The following CDH4 variants were observed in gnomAD, a reference collection of about 807,000 sequenced individuals.
The protein encoded by CDH4 is cadherin-4.
CDH4 carries 33 observed loss-of-function variants against 86.0 expected under a neutral mutation model. The ratio of observed to expected loss-of-function variants is 0.38; its 90% CI spans 0.29 to 0.51. The LOEUF (loss-of-function observed/expected upper bound fraction) is 0.51, where lower values mean the gene tolerates loss of function less well. Among genes scored for constraint, CDH4 ranks in the 20% least tolerant of loss-of-function variants. CDH4 has a pLI of 0.86. For synonymous variants in CDH4, 555 were observed against 549.4 expected, an observed-to-expected ratio of 1.01 and a Z score of -0.14; for missense variants, 1,114 against 1,307.4, an observed-to-expected ratio of 0.85 and a Z score of 2.28.
At chr20:61,795,419 A>G (rs1979486841) in intron 4 of CDH4, among the ~76,000 whole-genome samples, 1 of 152,012 alleles carries the variant, frequency 6.6e-6, no homozygotes, top group Non-Finnish European at 1.5e-5. Flanking sequence ...GCCTTTAAGG[A>G]GCCCCCAGGA....
chr20:61,679,141 G>T (rs891566502), intron 2 of CDH4, among the ~76,000 whole-genome samples: 12 of 152,146 alleles, frequency 7.9e-5, no homozygotes, highest in Admixed American at 5.9e-4. Flanking sequence ...AGGTTGGGTG[G>T]GTCAGTGGCT....
At chr20:61,746,161 C>T (rs898197341) in intron 3 of CDH4, among the ~76,000 whole-genome samples, 5 of 152,064 alleles carry the variant, frequency 3.3e-5, no homozygotes, top group Non-Finnish European at 5.9e-5. Context: ...CGGCGTATGT[C>T]GTTTTCGTAC....
At chr20:61,765,613 T>A (rs1390357782) in intron 3 of CDH4, among the ~76,000 whole-genome samples, 1 of 152,062 alleles carries the variant, frequency 6.6e-6, no homozygotes, top group Non-Finnish European at 1.5e-5. Context: ...CAGGTTGCTG[T>A]CCAGGCCAAG....
intron 7 of CDH4, among the ~76,000 whole-genome samples, chr20:61,884,126 G>A (rs1984426629): frequency 6.6e-6 from 1 of 152,192 alleles, no homozygotes; most frequent in African/African-American, 2.4e-5. Context: ...AGCAAACCTG[G>A]CTGTAGAGTG....
intron 2 of CDH4, among the ~76,000 whole-genome samples, chr20:61,408,305 T>A (rs2085095654): frequency 6.6e-6 from 1 of 152,142 alleles, no homozygotes. Flanking sequence ...ATTGTCTTCC[T>A]GCCCCAGGAA....
At chr20:61,781,805 T>C (rs931233609) in intron 4 of CDH4, among the ~76,000 whole-genome samples, 1 of 152,184 alleles carries the variant, frequency 6.6e-6, no homozygotes, top group Non-Finnish European at 1.5e-5. Context: ...AGAACGCCGT[T>C]CACCGATCAT....
chr20:61,328,862 T>G (rs748719913), intron 2 of CDH4, among the ~76,000 whole-genome samples: 6 of 152,240 alleles, frequency 3.9e-5, no homozygotes, highest in Admixed American at 2.0e-4. Context: ...CTATTAGCTC[T>G]GAATGATGAA....
intron 2 of CDH4, among the ~76,000 whole-genome samples, chr20:61,594,737 G>A (rs1198953194): frequency 2.6e-4 from 40 of 152,206 alleles, no homozygotes; most frequent in African/African-American, 4.6e-4. Flanking sequence ...AGACGCCGCC[G>A]TGTCTGCAGA....
chr20:61,389,683 G>A (rs141359235), intron 2 of CDH4, among the ~76,000 whole-genome samples: 33 of 152,206 alleles, frequency 2.2e-4, no homozygotes, highest in Non-Finnish European at 4.1e-4. Flanking sequence ...ATTTTTCGTT[G>A]TCACATCAGG....
At chr20:61,589,759 C>T (rs1362734980) in intron 2 of CDH4, among the ~76,000 whole-genome samples, 1 of 151,860 alleles carries the variant, frequency 6.6e-6, no homozygotes, top group Non-Finnish European at 1.5e-5. Flanking sequence ...CCTCCCCTCT[C>T]CCCCCATATT....
rs1431322703 is a variant in CDH4, at chr20:61,518,274, A to G, written c.170-225289A>G. On this transcript the variant is annotated intron_variant, in intron 2 of 15. Coordinates refer to ENST00000614565, the MANE Select transcript of CDH4 (RefSeq NM_001794.5). The surrounding 1 kb of genome is among the most constrained non-coding windows in gnomAD (Gnocchi z 6.3). ...ACTGCATGGTGGTGGTATAATTCCCACTATAAAGTGGAGGACTCCCAGGTG... is the reference window on the plus strand; with the variant it reads ...ACTGCATGGTGGTGGTATAATTCCCGCTATAAAGTGGAGGACTCCCAGGTG... 6.6e-6 allele frequency among the ~76,000 whole-genome samples: 1 copy of G among 151,988 alleles called. No homozygotes were observed. The highest frequency in any genetic ancestry group is 6.5e-5 in the Admixed American group (1 of 15,270).
rs2088391954 is a variant in CDH4, at chr20:61,744,641, C to T, written c.396+852C>T. 2.6e-5 allele frequency among the ~76,000 whole-genome samples: 4 copies of T among 152,024 alleles called. No individual in the cohort carries two copies. In the South Asian group the frequency reaches 8.3e-4, roughly 32 times the overall value. ...ACACAGACATAAAACATCTGCTGTT[C>T]AGGATCCCAGCTGCCCTCCGACTCT... On this transcript the variant is annotated intron_variant, in intron 3 of 15. Transcript: ENST00000614565.
chr20:61,587,490 T>C (rs1765004896), intron 2 of CDH4, among the ~76,000 whole-genome samples: 1 of 152,180 alleles, frequency 6.6e-6, no homozygotes, highest in South Asian at 2.1e-4. Flanking sequence ...TGCAGAGCTC[T>C]TAGTCCTGGG....
intron 2 of CDH4, chr20:61,434,720 G>A (rs1260427134): frequency 6.6e-6 from 1 of 151,998 alleles, no homozygotes; most frequent in South Asian, 2.1e-4. Flanking sequence ...GTCACACAGA[G>A]GCCACCAGAA....
chr20:61,643,262 G>A (rs146141140), intron 2 of CDH4, among the ~76,000 whole-genome samples: 12 of 152,238 alleles, frequency 7.9e-5, no homozygotes, highest in African/African-American at 2.4e-4. Context: ...TCGTGGTAAC[G>A]ACCCCACCCC....
chr20:61,752,970 G>A (rs1048238370), intron 3 of CDH4, among the ~76,000 whole-genome samples: 6 of 152,202 alleles, frequency 3.9e-5, no homozygotes, highest in African/African-American at 1.4e-4. Flanking sequence ...TTTAGCTGGT[G>A]TTCTGTACGC....
intron 2 of CDH4, among the ~76,000 whole-genome samples, chr20:61,285,821 CT>C (rs2123173843): frequency 6.6e-6 from 1 of 152,376 alleles, no homozygotes; most frequent in African/African-American, 2.4e-5. Flanking sequence ...GCAGACGCCC[CT>C]GAAAGCCCAC....
At chr20:61,735,352 C>G (rs1368340772) in intron 2 of CDH4, among the ~76,000 whole-genome samples, 2 of 152,224 alleles carry the variant, frequency 1.3e-5, no homozygotes, top group Admixed American at 6.5e-5. Flanking sequence ...TGAGCACATT[C>G]AAAATGCTGG....
intron 6 of CDH4, among the ~76,000 whole-genome samples, chr20:61,856,382 C>T (rs934539968): frequency 5.5e-5 from 8 of 144,744 alleles, no homozygotes; most frequent in African/African-American, 2.1e-4. Context: ...ACACTCTTCT[C>T]CAGCCCCCCG....
Sources: gnomAD v4.1 joint callset for allele counts (sites outside exome capture counted in the v4.1 genomes callset) on GRCh38, gnomAD v4.1.1 for gene constraint, Gnocchi (gnomAD v3.1) non-coding constraint, MANE v1.5 for transcripts, NCBI Gene and HGNC (gene_info 2026-07-23, HGNC 2026-07-21) for gene names.